The following FAM174A variants were observed in gnomAD, a reference collection of about 807,000 sequenced individuals.
The protein encoded by FAM174A is family with sequence similarity 174 member A.
Under a neutral mutation model 14.3 loss-of-function variants are expected in FAM174A, and 14 were observed. The ratio of observed to expected loss-of-function variants is 0.98; its 90% CI spans 0.65 to 1.53. FAM174A has a LOEUF of 1.53. FAM174A is among the 40% of genes most tolerant of loss of function. The pLI is 0.00. For synonymous variants in FAM174A, 108 were observed against 111.4 expected, an observed-to-expected ratio of 0.97 and a Z score of 0.19; for missense variants, 241 against 249.6, an observed-to-expected ratio of 0.97 and a Z score of 0.23.
chr5:100,571,672 G>GTATATA (rs529767869), intron 2 of FAM174A, among the ~76,000 whole-genome samples: 19,928 of 135,864 alleles, frequency 0.15, 1,631 homozygotes, highest in Admixed American at 0.23. Flanking sequence ...GTGTGTGTGT[G>GTATATA]TATATATATA....
chr5:100,544,550 T>C (rs1332150742), intron 1 of FAM174A, among the ~76,000 whole-genome samples: 1 of 152,074 alleles, frequency 6.6e-6, no homozygotes, highest in Non-Finnish European at 1.5e-5. Flanking sequence ...TAAATGAAGA[T>C]TAAAAATGTG....
intron 2 of FAM174A, among the ~76,000 whole-genome samples, chr5:100,564,261 C>T (rs1347769815): frequency 6.6e-6 from 1 of 150,830 alleles, no homozygotes; most frequent in Non-Finnish European, 1.5e-5. Context: ...TGGACTAATA[C>T]ACTGAACAAC....
At chr5:100,554,936 T>C (rs1746340875) in intron 1 of FAM174A, among the ~76,000 whole-genome samples, 1 of 152,204 alleles carries the variant, frequency 6.6e-6, no homozygotes, top group Non-Finnish European at 1.5e-5. Flanking sequence ...GCTTCTTTTT[T>C]TTTAATTATA....
chr5:100,563,544 A>C (rs750978058), intron 2 of FAM174A, among the ~76,000 whole-genome samples: 3 of 151,932 alleles, frequency 2.0e-5, no homozygotes, highest in Non-Finnish European at 4.4e-5. Flanking sequence ...AAAATAATTT[A>C]TGGGACTTTA....
chr5:100,549,947 A>G (rs973514709), intron 1 of FAM174A, among the ~76,000 whole-genome samples: 2 of 152,110 alleles, frequency 1.3e-5, no homozygotes, highest in Non-Finnish European at 2.9e-5. Flanking sequence ...TCTGTATAGG[A>G]TGGCAGGAAT....
chr5:100,583,549 T>A (rs10036134), intron 2 of FAM174A, among the ~76,000 whole-genome samples: 11,404 of 152,234 alleles, frequency 0.075, 623 homozygotes, highest in African/African-American at 0.15. Context: ...CTCATCTCCA[T>A]CAAGTCATTT....
At chr5:100,540,386 C>A (rs575770654) in intron 1 of FAM174A, among the ~76,000 whole-genome samples, 1 of 152,212 alleles carries the variant, frequency 6.6e-6, no homozygotes, top group Non-Finnish European at 1.5e-5. Flanking sequence ...CAAGGAAAGT[C>A]CCTGCATTCA....
At chr5:100,576,918 A>G (rs1444635230) in intron 2 of FAM174A, among the ~76,000 whole-genome samples, 1 of 152,166 alleles carries the variant, frequency 6.6e-6, no homozygotes, top group Non-Finnish European at 1.5e-5. Context: ...GCTTTTCCAG[A>G]AAGAAAAACT....
chr5:100,559,133 A>G (rs539924410), intron 1 of FAM174A, among the ~76,000 whole-genome samples: 4 of 151,996 alleles, frequency 2.6e-5, no homozygotes, highest in African/African-American at 4.8e-5. Flanking sequence ...GGCAGGCCTG[A>G]TGGTGACAAA....
At chr5:100,542,583 A>G (rs1746079496) in intron 1 of FAM174A, among the ~76,000 whole-genome samples, 1 of 152,190 alleles carries the variant, frequency 6.6e-6, no homozygotes, top group Non-Finnish European at 1.5e-5. Context: ...TTTACCTTCA[A>G]CACTGAACAG....
intron 1 of FAM174A, among the ~76,000 whole-genome samples, chr5:100,543,154 T>TAAGAAA: frequency 6.6e-6 from 1 of 152,260 alleles, no homozygotes; most frequent in East Asian, 1.9e-4. Context: ...CTAGCTGCAT[T>TAAGAAA]TCTTTTATTT....
At chr5:100,545,091 G>A (rs1746137504) in intron 1 of FAM174A, among the ~76,000 whole-genome samples, 1 of 152,102 alleles carries the variant, frequency 6.6e-6, no homozygotes. Flanking sequence ...GAGTTCTTTT[G>A]TCATGATCTC....
intron 1 of FAM174A, among the ~76,000 whole-genome samples, chr5:100,538,964 T>C (rs575150529): frequency 6.6e-6 from 1 of 152,298 alleles, no homozygotes; most frequent in East Asian, 1.9e-4. Context: ...ATAATGATTC[T>C]TGCCTTAAAA....
chr5:100,585,602 T>C (rs903195056), intron 2 of FAM174A, among the ~76,000 whole-genome samples: 5 of 152,084 alleles, frequency 3.3e-5, no homozygotes, highest in African/African-American at 1.2e-4. Context: ...TTAGTAGAGA[T>C]GGGCTTTCAC....
chr5:100,537,435 C>T (rs563462523), intron 1 of FAM174A, among the ~76,000 whole-genome samples: 22 of 152,036 alleles, frequency 1.4e-4, no homozygotes, highest in Admixed American at 9.2e-4. Context: ...TATTTTAAAT[C>T]AGTTGATAAG....
At chr5:100,541,961 A>AAG (rs1746062568) in intron 1 of FAM174A, among the ~76,000 whole-genome samples, 1 of 151,658 alleles carries the variant, frequency 6.6e-6, no homozygotes, top group Admixed American at 6.6e-5. Flanking sequence ...TATTCCATGA[A>AAG]CTCTTCTTCC....
intron 2 of FAM174A, among the ~76,000 whole-genome samples, chr5:100,578,884 A>G (rs970679141): frequency 4.6e-5 from 7 of 151,544 alleles, no homozygotes; most frequent in Non-Finnish European, 1.0e-4. Context: ...TTGCATACCT[A>G]TTTCAATATT....
At chr5:100,558,264 T>C (rs1035105683) in intron 1 of FAM174A, among the ~76,000 whole-genome samples, 6 of 152,046 alleles carry the variant, frequency 3.9e-5, no homozygotes, top group Admixed American at 3.9e-4. Context: ...GAGTTTCTTA[T>C]TCCTGAGTTC....
intron 1 of FAM174A, among the ~76,000 whole-genome samples, chr5:100,545,290 T>G (rs1746143777): frequency 6.6e-6 from 1 of 152,222 alleles, no homozygotes; most frequent in South Asian, 2.1e-4. Context: ...ATAAAACATA[T>G]CTAGAGAAAT....
Sources: allele counts gnomAD v4.1 joint callset (sites outside exome capture counted in the v4.1 genomes callset), GRCh38; gene constraint gnomAD v4.1.1; transcripts MANE v1.5; gene names NCBI Gene and HGNC (gene_info 2026-07-23, HGNC 2026-07-21).